TEKT1: variants seen among roughly 807,000 people sequenced by gnomAD.
TEKT1 encodes the protein tektin-1.
In TEKT1, 32 loss-of-function variants were observed where a neutral mutation model predicts 34.8. The observed-to-expected ratio is 0.92, with a 90% CI of 0.69 to 1.23. TEKT1 has a LOEUF of 1.23. Among genes scored for constraint, TEKT1 ranks in the 50% most tolerant of loss-of-function variants. The pLI is 0.00. For missense variants in TEKT1, 492 were observed against 518.5 expected (o/e 0.95, Z 0.50); for synonymous variants, 207 against 199.8 (o/e 1.04, Z -0.30).
chr17:6,818,062 T>C (rs1334396182), intron 3 of TEKT1, among the ~76,000 whole-genome samples: 1 of 152,152 alleles, frequency 6.6e-6, no homozygotes, highest in Non-Finnish European at 1.5e-5. Flanking sequence ...GACAGGGGCA[T>C]GGTGCATTTG....
Position 6,815,967 on chromosome 17 carries a change from CAGGG to C in TEKT1, c.357-9_357-6del, listed in dbSNP as rs770274850. On this transcript the variant is annotated splice_region_variant and splice_polypyrimidine_tract_variant and intron_variant, in intron 3 of 7. Coordinates refer to ENST00000338694, the MANE Select transcript of TEKT1 (RefSeq NM_053285.2). ...TCAATGCCAATGCGCTTCTCCCTGG[CAGGG>C]GGAAAGGCAGCCAGTCAGCCAACAC... The C allele has an allele frequency of 6.2e-7, 1 of 1,613,676 alleles. No homozygotes were observed. The highest frequency in any genetic ancestry group is 8.5e-7 in the Non-Finnish European group (1 of 1,180,022).
At chr17:6,809,360 T>C (rs1454117096) in intron 6 of TEKT1, among the ~76,000 whole-genome samples, 1 of 152,024 alleles carries the variant, frequency 6.6e-6, no homozygotes, top group East Asian at 1.9e-4. Context: ...GCCTCCCAAA[T>C]AGCTGGGATT....
chr17:6,811,956 C>T lies in TEKT1; in HGVS notation c.852+875G>A, dbSNP rs1976935084. On this transcript the variant is annotated intron_variant, in intron 6 of 7. Transcript: ENST00000338694. The surrounding 1 kb of genome is among the most constrained non-coding windows in gnomAD (Gnocchi z 4.4). Reference sequence around the variant, plus strand: ...TGTATTTGCAGTACAAATACTAACCCCCTCTGATATGGTTTGGCTCTGTGT... The same window carrying T: ...TGTATTTGCAGTACAAATACTAACCTCCTCTGATATGGTTTGGCTCTGTGT... Among the ~76,000 whole-genome samples, 1 of 152,060 alleles carries T rather than the reference C, an allele frequency of 6.6e-6. No individual in the cohort carries two copies. Among genetic ancestry groups the T allele is most frequent in the Admixed American group, 6.5e-5 (1 of 15,278 alleles).
intron 2 of TEKT1, among the ~76,000 whole-genome samples, chr17:6,826,617 C>A (rs992614331): frequency 6.9e-6 from 1 of 145,886 alleles, no homozygotes; most frequent in Non-Finnish European, 1.5e-5. Flanking sequence ...CTTAGATTTG[C>A]AGATAGATAG....
Position 6,808,722 on chromosome 17 carries a change from A to T in TEKT1, c.852+4109T>A, listed in dbSNP as rs559603764. 3.3e-5 allele frequency among the ~76,000 whole-genome samples: 5 copies of T among 152,278 alleles called. No individual in the cohort carries two copies. The South Asian group carries it at 1.0e-3, about 32-fold the overall frequency. ...TGCTTTAAATTTTCTTAAATATTCG[A>T]ATGCTATCTTCAAATTTAAAGTTTC... On this transcript the variant is annotated intron_variant, in intron 6 of 7. Transcript: ENST00000338694.
intron 2 of TEKT1, 131 bp from the exon 3 acceptor site, chr17:6,819,489 G>A: frequency 1.2e-6 from 1 of 861,388 alleles, no homozygotes; most frequent in Non-Finnish European, 1.7e-6. Context: ...TGCTATTTGG[G>A]GCATCTTTTC....
intron 2 of TEKT1, among the ~76,000 whole-genome samples, chr17:6,820,901 C>T (rs1977078627): frequency 6.6e-6 from 1 of 152,178 alleles, no homozygotes; most frequent in African/African-American, 2.4e-5. Context: ...TGCAAGTCTG[C>T]AAATGTCTTT....
intron 7 of TEKT1, 129 bp downstream of exon 7, chr17:6,800,618 G>A: frequency 1.7e-6 from 2 of 1,171,340 alleles, no homozygotes; most frequent in Non-Finnish European, 2.4e-6. Flanking sequence ...CTTCCCTCTA[G>A]GGGGCATTCC....
intron 6 of TEKT1, among the ~76,000 whole-genome samples, chr17:6,806,324 A>T (rs1312352138): frequency 2.0e-5 from 3 of 151,626 alleles, no homozygotes; most frequent in Non-Finnish European, 1.5e-5. Flanking sequence ...TGCTTGGTAG[A>T]TCTTCTTCCA....
intron 6 of TEKT1, among the ~76,000 whole-genome samples, chr17:6,803,194 T>A (rs148959172): frequency 0.13 from 19,545 of 152,236 alleles, 1,486 homozygotes; most frequent in Admixed American, 0.15. Context: ...TTGATTTGCA[T>A]TTCTCTGATG....
At position 6,812,849 on chromosome 17, in the gene TEKT1, C is replaced by G; in HGVS notation, c.834G>C (p.Leu278=). 1 of 1,613,882 alleles carries G rather than the reference C, an allele frequency of 6.2e-7. No individual in the cohort carries two copies. Among genetic ancestry groups the G allele is most frequent in the Non-Finnish European group, 8.5e-7 (1 of 1,179,920 alleles). ...LKDTKDARDK[L]ADHLAKVMEE... is the part of the protein sequence containing the mutation. The stretch of plus-strand genomic sequence containing the variant: ...ACCTCACCTTGGCCAGATGATCAGC[C>G]AGCTTGTCCCTGGCATCCTTTGTAT... Residue 278 remains leucine (L), a synonymous_variant, in exon 6 of 8, where the codon CTG becomes CTC. Coordinates refer to ENST00000338694, the MANE Select transcript of TEKT1 (RefSeq NM_053285.2).
intron 6 of TEKT1, among the ~76,000 whole-genome samples, chr17:6,810,936 C>T (rs1976918738): frequency 6.6e-6 from 1 of 152,208 alleles, no homozygotes; most frequent in South Asian, 2.1e-4. Context: ...GACAGGGTTT[C>T]ACCCTGTTGC....
At chr17:6,816,582 T>C (rs531803368) in intron 3 of TEKT1, among the ~76,000 whole-genome samples, 66 of 152,324 alleles carry the variant, frequency 4.3e-4, no homozygotes, top group Non-Finnish European at 7.2e-4. Flanking sequence ...TATGGCTGCA[T>C]AGTATTCCAT....
At chr17:6,804,100 T>C (rs1976814359) in intron 6 of TEKT1, among the ~76,000 whole-genome samples, 3 of 152,314 alleles carry the variant, frequency 2.0e-5, no homozygotes, top group Admixed American at 1.3e-4. Flanking sequence ...GAGCATGGAA[T>C]GTTCTTCCAT....
chr17:6,810,076 G>C (rs943816248), intron 6 of TEKT1, among the ~76,000 whole-genome samples: 3 of 152,224 alleles, frequency 2.0e-5, no homozygotes, highest in Admixed American at 1.3e-4. Flanking sequence ...CTCTTCCAAA[G>C]GGGCTGTACC....
chr17:6,807,499 C>T (rs1209742653), intron 6 of TEKT1, among the ~76,000 whole-genome samples: 1 of 152,180 alleles, frequency 6.6e-6, no homozygotes, highest in Non-Finnish European at 1.5e-5. Context: ...AGCTTTGTTC[C>T]ATTGCTGGTG....
intron 6 of TEKT1, among the ~76,000 whole-genome samples, chr17:6,809,297 T>A (rs1212437848): frequency 6.6e-6 from 1 of 152,218 alleles, no homozygotes; most frequent in African/African-American, 2.4e-5. Context: ...AATGGCATGA[T>A]CTCAGCTCAC....
intron 4 of TEKT1, among the ~76,000 whole-genome samples, chr17:6,815,622 C>G (rs1320693552): frequency 6.6e-6 from 1 of 152,162 alleles, no homozygotes; most frequent in African/African-American, 2.4e-5. Context: ...GGGTGAAATC[C>G]AGCTCCAGCC....
In TEKT1 at chr17:6,815,971, G is replaced by C. The variant is rs1418331381; in HGVS notation, c.357-9C>G. On this transcript the variant is annotated splice_polypyrimidine_tract_variant and intron_variant, in intron 3 of 7. Transcript: ENST00000338694. ...TGCCAATGCGCTTCTCCCTGGCAGG[G>C]GGAAAGGCAGCCAGTCAGCCAACAC... 5 of 1,613,548 alleles carry C rather than the reference G, an allele frequency of 3.1e-6. No homozygotes were observed. Among genetic ancestry groups the C allele is most frequent in the African/African-American group, 1.3e-5 (1 of 75,040 alleles).
Sources: gnomAD v4.1 joint callset for allele counts (sites outside exome capture counted in the v4.1 genomes callset) on GRCh38, gnomAD v4.1.1 for gene constraint, Gnocchi (gnomAD v3.1) non-coding constraint, MANE v1.5 for transcripts, NCBI Gene and HGNC (gene_info 2026-07-23, HGNC 2026-07-21) for gene names.